C1orf141: variants seen among roughly 807,000 people sequenced by gnomAD.
C1orf141 encodes chromosome 1 open reading frame 141.
C1orf141 carries 19 observed loss-of-function variants against 23.2 expected under a neutral mutation model. That is an observed-to-expected ratio of 0.82 (90% CI 0.57 to 1.20). C1orf141 has a LOEUF of 1.20. C1orf141 is among the 50% of genes most tolerant of loss of function. The probability of loss-of-function intolerance (pLI) is 0.00; values close to 1 mark genes in which losing one functional copy is unlikely to be tolerated. For missense variants in C1orf141, 469 were observed against 455.1 expected (o/e 1.03, Z -0.28); for synonymous variants, 153 against 154.6 (o/e 0.99, Z 0.08).
chr1:67,128,774 C>T (rs796354684), intron 2 of C1orf141, among the ~76,000 whole-genome samples: 9 of 152,154 alleles, frequency 5.9e-5, no homozygotes, highest in African/African-American at 2.2e-4. Context: ...AAATGGGCTC[C>T]AGTGGCATTT....
chr1:67,118,442 C>A (rs1228788751), intron 4 of C1orf141, among the ~76,000 whole-genome samples: 1 of 152,202 alleles, frequency 6.6e-6, no homozygotes, highest in Non-Finnish European at 1.5e-5. Flanking sequence ...TAGAGACTGG[C>A]ATCTTATTCC....
At chr1:67,109,285 CCACT>C (rs1214799948) in intron 5 of C1orf141, among the ~76,000 whole-genome samples, 1 of 141,702 alleles carries the variant, frequency 7.1e-6, no homozygotes, top group Non-Finnish European at 1.5e-5. Flanking sequence ...CGAGATGGCG[CCACT>C]GCACTCCAGC....
chr1:67,136,849 C>T (rs1646590099), upstream of C1orf141, among the ~76,000 whole-genome samples: 1 of 152,046 alleles, frequency 6.6e-6, no homozygotes, highest in Admixed American at 6.5e-5. Flanking sequence ...TCTTTAATAA[C>T]AAATGTTTGG....
chr1:67,132,025 C>T (rs185745890), intron 1 of C1orf141, among the ~76,000 whole-genome samples: 7 of 151,740 alleles, frequency 4.6e-5, no homozygotes, highest in African/African-American at 1.4e-4. Context: ...CCTTGTGATC[C>T]GCCCACCTCG....
intron 3 of C1orf141, among the ~76,000 whole-genome samples, chr1:67,126,835 A>G (rs1646424991): frequency 6.6e-6 from 1 of 152,210 alleles, no homozygotes. Context: ...TCACGCATTT[A>G]CCTCAGAGAA....
intron 5 of C1orf141, chr1:67,113,848 C>T (rs546541728): frequency 2.2e-6 from 1 of 447,070 alleles, no homozygotes; most frequent in Non-Finnish European, 4.2e-6. Context: ...GCTGAAAACA[C>T]CTTAAAAGGC....
At chr1:67,094,549 G>C (rs1389137555) in intron 7 of C1orf141, 1 of 152,240 alleles carries the variant, frequency 6.6e-6, no homozygotes, top group Non-Finnish European at 1.5e-5. Context: ...GTTACATCTA[G>C]CTTTGAATGA....
upstream of C1orf141, among the ~76,000 whole-genome samples, chr1:67,135,906 C>CAAAAAAAAAAAAAAA (rs59519661): frequency 1.4e-4 from 9 of 62,588 alleles, 1 homozygote; most frequent in African/African-American, 3.8e-4. Context: ...GGCAAAACTG[C>CAAAAAAAAAAAAAAA]AAAAAAAAAA....
chr1:67,098,863 G>C (rs1645741769), intron 5 of C1orf141, among the ~76,000 whole-genome samples: 1 of 152,058 alleles, frequency 6.6e-6, no homozygotes, highest in Non-Finnish European at 1.5e-5. Context: ...GGAAATCTTG[G>C]AAGTAAGAAA....
At chr1:67,110,447 A>G (rs1646043699) in intron 5 of C1orf141, among the ~76,000 whole-genome samples, 1 of 152,146 alleles carries the variant, frequency 6.6e-6, no homozygotes, top group Non-Finnish European at 1.5e-5. Flanking sequence ...TAAAGTTGAT[A>G]AATTAAAATC....
At chr1:67,111,067 A>G (rs1325712329) in intron 5 of C1orf141, among the ~76,000 whole-genome samples, 1 of 151,866 alleles carries the variant, frequency 6.6e-6, no homozygotes, top group Non-Finnish European at 1.5e-5. Flanking sequence ...CAATGCTCAG[A>G]GCTAGTCACT....
At chr1:67,113,871 T>G (rs1018197728) in intron 5 of C1orf141, 1 of 393,670 alleles carries the variant, frequency 2.5e-6, no homozygotes, top group Admixed American at 3.3e-5. Context: ...GATTGAATAT[T>G]TTTTAAAGTC....
intron 5 of C1orf141, among the ~76,000 whole-genome samples, chr1:67,098,495 A>G (rs1885278): frequency 0.1 from 15,286 of 152,146 alleles, 1,221 homozygotes; most frequent in African/African-American, 0.22. Flanking sequence ...ACTCCAGCCT[A>G]GGCGACAGGG....
chr1:67,134,505 T>G (rs1646563410), intron 1 of C1orf141, among the ~76,000 whole-genome samples: 1 of 152,320 alleles, frequency 6.6e-6, no homozygotes, highest in African/African-American at 2.4e-5. Flanking sequence ...TTTGGAAATG[T>G]ATCAATTAAG....
intron 6 of C1orf141, 123 bp from the exon 7 acceptor site, chr1:67,095,544 CT>C (rs148704724): frequency 0.067 from 38,135 of 572,206 alleles, 2,095 homozygotes; most frequent in African/African-American, 0.21. Flanking sequence ...CTCCCACAGA[CT>C]TTTCAAACCG....
At chr1:67,103,256 C>T (rs1311819358) in intron 5 of C1orf141, 1 of 1,436,110 alleles carries the variant, frequency 7.0e-7, no homozygotes, top group Non-Finnish European at 9.3e-7. Flanking sequence ...AAAGTAGAGT[C>T]TTTTTCCTTT....
At position 67,115,371 on chromosome 1, in the gene C1orf141, A is replaced by T; in HGVS notation, c.327T>A (p.Asn109Lys). The T allele has an allele frequency of 7.7e-7, 1 of 1,294,682 alleles. No individual in the cohort carries two copies. The highest frequency in any genetic ancestry group is 1.1e-6 in the Non-Finnish European group (1 of 904,716). 80.2% of individuals were successfully genotyped at this position (1,294,682 alleles called of 1,614,324 possible). A position where few individuals can be genotyped will look rare whatever the true frequency, so the allele number is the denominator to read the frequency against. The change falls in exon 5 of 8, where the codon AAT becomes AAA. Residue 109 changes from asparagine (N) to lysine (K), a missense_variant. By Grantham distance (94) the Asn-to-Lys change is moderately conservative. Transcript: ENST00000684719. ...RPFFIQTNVK[N>K]KESESTAQIE... ...CATTACCTGTTGACTCACTTTCTTT[A>T]TTTTTTACATTTGTTTGAATAAAGA...
chr1:67,113,584 C>A (rs890757175), intron 5 of C1orf141: 18 of 476,808 alleles, frequency 3.8e-5, no homozygotes, highest in Non-Finnish European at 4.5e-5. Flanking sequence ...AGGCTGGCCT[C>A]AAACTCTTGA....
chr1:67,113,863 T>A lies in C1orf141; in HGVS notation c.346+1489A>T, dbSNP rs566646164. 9 of 405,306 alleles carry A rather than the reference T, an allele frequency of 2.2e-5. No homozygotes were observed. The Admixed American group carries it at 2.5e-4, about 11-fold the overall frequency. 25.1% of individuals were successfully genotyped at this position (405,306 alleles called of 1,614,324 possible). Reference sequence around the variant, plus strand: ...GCTGAAAACACCTTAAAAGGCTAGATTGAATATTTTTTAAAGTCTAAAGAG... The same window carrying A: ...GCTGAAAACACCTTAAAAGGCTAGAATGAATATTTTTTAAAGTCTAAAGAG... On this transcript the variant is annotated intron_variant, in intron 5 of 7. Transcript: ENST00000684719.
Sources: allele counts gnomAD v4.1 joint callset (sites outside exome capture counted in the v4.1 genomes callset), GRCh38; gene constraint gnomAD v4.1.1; transcripts MANE v1.5; gene names NCBI Gene and HGNC (gene_info 2026-07-23, HGNC 2026-07-21).